CCDC141: variants seen among roughly 807,000 people sequenced by gnomAD.
CCDC141 encodes coiled-coil domain-containing protein 141.
Under a neutral mutation model 181.0 loss-of-function variants are expected in CCDC141, and 168 were observed. The ratio of observed to expected loss-of-function variants is 0.93; its 90% confidence interval spans 0.82 to 1.05. The LOEUF (loss-of-function observed/expected upper bound fraction) is 1.05. Among genes scored for constraint, CCDC141 ranks in the 50% least tolerant of loss-of-function variants. The probability of loss-of-function intolerance (pLI) is 0.00; values close to 1 mark genes in which losing one functional copy is unlikely to be tolerated. For missense variants in CCDC141, 1,902 were observed against 1,788.5 expected (o/e 1.06, Z -1.14); for synonymous variants, 666 against 642.3 (o/e 1.04, Z -0.56).
chr2:178,947,001 G>T (rs1689759553), intron 5 of CCDC141, among the ~76,000 whole-genome samples: 1 of 152,174 alleles, frequency 6.6e-6, no homozygotes, highest in East Asian at 1.9e-4. Context: ...CATCAGGAGG[G>T]TGTTACATCT....
At chr2:178,899,367 A>G (rs1393050242) in intron 8 of CCDC141, among the ~76,000 whole-genome samples, 2 of 152,176 alleles carry the variant, frequency 1.3e-5, no homozygotes, top group Non-Finnish European at 2.9e-5. Context: ...TAAACAATGT[A>G]TCACTGTACT....
At chr2:178,899,769 GC>G (rs1198157244) in intron 8 of CCDC141, among the ~76,000 whole-genome samples, 1 of 152,112 alleles carries the variant, frequency 6.6e-6, no homozygotes, top group African/African-American at 2.4e-5. Context: ...GATTTCCATT[GC>G]CAGCATTCTA....
chr2:178,870,378 G>C (rs1399221270), intron 14 of CCDC141, among the ~76,000 whole-genome samples: 1 of 151,962 alleles, frequency 6.6e-6, no homozygotes, highest in African/African-American at 2.4e-5. Flanking sequence ...ACCTAAAAAG[G>C]GTCTTCAAGT....
chr2:178,998,144 A>G (rs1367073835), intron 2 of CCDC141, among the ~76,000 whole-genome samples: 4 of 152,232 alleles, frequency 2.6e-5, no homozygotes, highest in Admixed American at 2.6e-4. Context: ...AAAAATTTAT[A>G]CAGTATTCTA....
chr2:178,954,425 A>G (rs1690075358), intron 5 of CCDC141, among the ~76,000 whole-genome samples: 1 of 152,216 alleles, frequency 6.6e-6, no homozygotes, highest in African/African-American at 2.4e-5. Context: ...AATTATCTTT[A>G]TGAGGCTATC....
rs1429998244 is a variant in CCDC141 at position 178,837,163 on chromosome 2, A to G, written c.4056T>C (p.Asp1352=). ...TATCTTGGGTTTTAGTGAAGTTATT[A>G]TCAGCATGCATTTTCTCCCGTGTTT... is the stretch of plus-strand genomic sequence containing the variant. The part of the protein sequence containing the change: ...LLETREKMHA[D]NNFTKTQDRL... Residue 1352 remains aspartate (D), a synonymous_variant, in exon 23 of 24, where the codon GAT becomes GAC. Coordinates refer to ENST00000443758, the MANE Select transcript of CCDC141 (RefSeq NM_173648.4). 6.2e-7 allele frequency: 1 copy of G among 1,613,968 alleles called. No homozygotes were observed. Among genetic ancestry groups the G allele is most frequent in the Non-Finnish European group, 8.5e-7 (1 of 1,179,960 alleles).
intron 5 of CCDC141, among the ~76,000 whole-genome samples, chr2:178,950,572 T>C (rs991905292): frequency 3.9e-5 from 6 of 152,196 alleles, no homozygotes; most frequent in Non-Finnish European, 5.9e-5. Context: ...GGATCGGGTT[T>C]CCATTTTTAG....
At chr2:179,047,177 A>T (rs1372640493) in intron 2 of CCDC141, 107 bp downstream of exon 2, 5 of 899,906 alleles carry the variant, frequency 5.6e-6, no homozygotes, top group Non-Finnish European at 6.3e-6. Context: ...ACCTGGTACC[A>T]TATTAAAGTG....
chr2:178,898,746 G>A (rs1272888426), intron 8 of CCDC141, among the ~76,000 whole-genome samples: 1 of 152,080 alleles, frequency 6.6e-6, no homozygotes, highest in Non-Finnish European at 1.5e-5. Flanking sequence ...TAATGAAAGG[G>A]TCTCAGATTT....
chr2:178,988,088 G>T (rs1374578683), intron 2 of CCDC141, among the ~76,000 whole-genome samples: 2 of 152,100 alleles, frequency 1.3e-5, no homozygotes, highest in Non-Finnish European at 2.9e-5. Context: ...AACAATGATA[G>T]ACTGGATTAA....
intron 6 of CCDC141, among the ~76,000 whole-genome samples, chr2:178,940,690 C>T (rs1353165287): frequency 1.3e-5 from 2 of 152,164 alleles, no homozygotes; most frequent in South Asian, 2.1e-4. Flanking sequence ...GATGCTTCTT[C>T]TTCACAACGT....
chr2:178,996,086 CTTTT>C (rs11356005), intron 2 of CCDC141, among the ~76,000 whole-genome samples: 2 of 137,582 alleles, frequency 1.5e-5, no homozygotes, highest in Admixed American at 7.3e-5. Context: ...TTTTAAAATT[CTTTT>C]TTTTTTTTTT....
chr2:179,017,363 T>G (rs1270780824), intron 2 of CCDC141, among the ~76,000 whole-genome samples: 1 of 152,144 alleles, frequency 6.6e-6, no homozygotes, highest in African/African-American at 2.4e-5. Flanking sequence ...ACATCTGATT[T>G]TTGAAGAAAG....
At chr2:179,016,673 T>C (rs967621865) in intron 2 of CCDC141, among the ~76,000 whole-genome samples, 1 of 152,172 alleles carries the variant, frequency 6.6e-6, no homozygotes, top group Non-Finnish European at 1.5e-5. Context: ...GATGTCTTGA[T>C]ACCTTTCGAT....
chr2:179,002,148 G>A, intron 2 of CCDC141: 1 of 238,094 alleles, frequency 4.2e-6, no homozygotes, highest in Non-Finnish European at 8.3e-6. Flanking sequence ...CAAGCACATG[G>A]CCACAGAAGT....
intron 12 of CCDC141, chr2:178,873,696 A>G (rs1686223830): frequency 6.6e-6 from 1 of 152,192 alleles, no homozygotes; most frequent in Non-Finnish European, 1.5e-5. Context: ...TGGCCACTCA[A>G]GAAGATTGAA....
At position 178,916,950 on chromosome 2, in the gene CCDC141, T is replaced by TTTA. The variant is rs993602533; in HGVS notation, c.1092+1762_1092+1763insTAA. Among the ~76,000 whole-genome samples the TTTA allele has an allele frequency of 7.0e-3, 1,061 of 150,876 alleles. 14 individuals carry two copies. The highest frequency in any genetic ancestry group is 0.024 in the African/African-American group (1,007 of 41,136). ...CTCTTCTTCTTCTTCTTTTTTTTTT[T>TTTA]AAAAAAAAGGCTTTTGCAGGAGATA... On this transcript the variant is annotated intron_variant, in intron 7 of 23. Transcript: ENST00000443758.
intron 5 of CCDC141, among the ~76,000 whole-genome samples, chr2:178,949,023 G>A (rs1463035533): frequency 1.3e-5 from 2 of 152,104 alleles, no homozygotes; most frequent in East Asian, 3.8e-4. Context: ...GTAACAAAGG[G>A]GCTCCTTCCC....
At chr2:178,820,820 C>G in the CCDC141 span, among the ~76,000 whole-genome samples, 1 of 152,132 alleles carries the variant, frequency 6.6e-6, no homozygotes, top group African/African-American at 2.4e-5. Context: ...TGGTACTGAG[C>G]TCTTCATTAA....
Sources: gnomAD v4.1 joint callset for allele counts (sites outside exome capture counted in the v4.1 genomes callset) on GRCh38, gnomAD v4.1.1 for gene constraint, MANE v1.5 for transcripts, NCBI Gene and HGNC (gene_info 2026-07-23, HGNC 2026-07-21) for gene names.